Variants in SLC10A1 observed in about 807,000 individuals in gnomAD.
The protein encoded by SLC10A1 is hepatic sodium/bile acid cotransporter.
In SLC10A1, 36 loss-of-function variants were observed where a neutral mutation model predicts 20.5. That is an observed-to-expected ratio of 1.75 (90% CI 1.34 to 2.32). SLC10A1 has a LOEUF of 2.32. Ranked by LOEUF, SLC10A1 falls within the 30% of genes most tolerant of loss-of-function variation. The pLI, the probability that SLC10A1 is intolerant of heterozygous loss-of-function variation, is 0.00. For synonymous variants in SLC10A1, 188 were observed against 163.6 expected, an observed-to-expected ratio of 1.15 and a Z score of -1.14; for missense variants, 545 against 439.1, an observed-to-expected ratio of 1.24 and a Z score of -2.16.
intron 4 of SLC10A1, 122 bp downstream of exon 4, chr14:69,778,211 T>G: frequency 1.3e-6 from 1 of 744,466 alleles, no homozygotes; most frequent in South Asian, 2.4e-5. Flanking sequence ...GCTACCTGGT[T>G]CTTAGTGACT....
rs1392548315 is a variant in SLC10A1, at chr14:69,779,314, A to G, written c.614T>C (p.Leu205Pro). The G allele has an allele frequency of 1.2e-6, 2 of 1,614,102 alleles. No individual in the cohort carries two copies. Among genetic ancestry groups the G allele is most frequent in the African/African-American group, 2.7e-5 (2 of 75,016 alleles). The change falls in exon 3 of 5, where the codon CTC becomes CCC. Residue 205 changes from leucine to proline, a missense_variant. Transcript: ENST00000216540. ...ILLCSVAVTV[L>P]SAINVGKSIM... ...GCTCTTCCCCACATTGATGGCAGAGAGAACTGTGACGGCCACACTGCACAA... is the reference window on the plus strand; with the variant it reads ...GCTCTTCCCCACATTGATGGCAGAGGGAACTGTGACGGCCACACTGCACAA...
intron 1 of SLC10A1, among the ~76,000 whole-genome samples, chr14:69,794,029 GAC>G (rs1193607382): frequency 1.3e-5 from 2 of 152,126 alleles, no homozygotes; most frequent in African/African-American, 2.4e-5. Context: ...AGTGGAGGGA[GAC>G]ACAGTTTCCC....
intron 2 of SLC10A1, among the ~76,000 whole-genome samples, chr14:69,784,268 AAGGCTTTTGAGGAGGC>A: frequency 6.6e-6 from 1 of 152,302 alleles, no homozygotes; most frequent in South Asian, 2.1e-4. Flanking sequence ...GCTGACAGAG[AAGGCTTTTGAGGAGGC>A]AGTGGTCAAT....
chr14:69,786,136 G>C lies in SLC10A1; in HGVS notation c.528C>G (p.Leu176=), dbSNP rs200945231. The C allele has an allele frequency of 7.6e-5, 122 of 1,614,064 alleles. No homozygotes were observed. Among genetic ancestry groups the C allele is most frequent in the East Asian group, 3.6e-4 (16 of 44,872 alleles). Residue 176 remains leucine (L), a synonymous_variant, in exon 2 of 5, where the codon CTC becomes CTG. Transcript: ENST00000216540. ...GCATGTATTGTGGCCGTTTGGATTT[G>C]AGGACGATCCCTATGGTGCAAGGAA... ...VLIPCTIGIV[L]KSKRPQYMRY...
intron 1 of SLC10A1, among the ~76,000 whole-genome samples, chr14:69,788,558 T>C (rs1883775135): frequency 6.6e-6 from 1 of 150,644 alleles, no homozygotes; most frequent in African/African-American, 2.5e-5. Context: ...TTTTTTTTTT[T>C]TTTTGAGATG....
At chr14:69,780,269 A>C (rs10146088) in intron 2 of SLC10A1, among the ~76,000 whole-genome samples, 5,136 of 152,216 alleles carry the variant, frequency 0.034, 314 homozygotes, top group African/African-American at 0.12. Context: ...GTGCATGTGC[A>C]CTCCATGCAC....
intron 1 of SLC10A1, among the ~76,000 whole-genome samples, chr14:69,789,996 C>T (rs1247553299): frequency 6.9e-6 from 1 of 145,186 alleles, no homozygotes; most frequent in African/African-American, 2.6e-5. Flanking sequence ...AGAGATGGCA[C>T]AAATTGATGA....
chr14:69,795,925 G>T (rs1882379130), intron 1 of SLC10A1, among the ~76,000 whole-genome samples: 1 of 152,174 alleles, frequency 6.6e-6, no homozygotes, highest in Admixed American at 6.5e-5. Context: ...GCTTGAGACT[G>T]AGGTTTCACT....
At chr14:69,784,667 T>C (rs1009460401) in intron 2 of SLC10A1, among the ~76,000 whole-genome samples, 30 of 152,166 alleles carry the variant, frequency 2.0e-4, no homozygotes, top group South Asian at 6.2e-4. Context: ...ATAGAAGATA[T>C]GTGAGTTCGT....
At position 69,789,411 on chromosome 14, in the gene SLC10A1, T is replaced by C. The variant is rs1450582085; in HGVS notation, c.357-3104A>G. 2.6e-5 allele frequency among the ~76,000 whole-genome samples: 4 copies of C among 152,250 alleles called. 1 individual carries two copies. The highest frequency in any genetic ancestry group is 2.6e-4 in the Admixed American group (4 of 15,290). On this transcript the variant is annotated intron_variant, in intron 1 of 4. Coordinates refer to ENST00000216540, the MANE Select transcript of SLC10A1 (RefSeq NM_003049.4). ...TGAAGTATTGTGACATGCTATCACA[T>C]GAATGAACCTTGAAAATATGCTAAG...
At chr14:69,781,979 A>G (rs1384243538) in intron 2 of SLC10A1, among the ~76,000 whole-genome samples, 1 of 152,226 alleles carries the variant, frequency 6.6e-6, no homozygotes, top group African/African-American at 2.4e-5. Context: ...GTAAGAGGCT[A>G]GGACAATCAT....
intron 2 of SLC10A1, among the ~76,000 whole-genome samples, chr14:69,780,217 A>T (rs772712603): frequency 1.3e-5 from 2 of 152,238 alleles, no homozygotes; most frequent in Non-Finnish European, 2.9e-5. Context: ...GAATGAAATT[A>T]TAGGGTTTTT....
chr14:69,794,942 A>G (rs929170631), intron 1 of SLC10A1, among the ~76,000 whole-genome samples: 1 of 152,194 alleles, frequency 6.6e-6, no homozygotes, highest in Admixed American at 6.5e-5. Context: ...GCCACTGGCG[A>G]TGGGGCTGGG....
chr14:69,794,316 T>C (rs1882343000), intron 1 of SLC10A1, among the ~76,000 whole-genome samples: 1 of 152,240 alleles, frequency 6.6e-6, no homozygotes, highest in Non-Finnish European at 1.5e-5. Flanking sequence ...TACTTGCTGC[T>C]GAGACACGGG....
chr14:69,790,866 T>C (rs1000338937), intron 1 of SLC10A1, among the ~76,000 whole-genome samples: 7 of 152,050 alleles, frequency 4.6e-5, no homozygotes, highest in African/African-American at 1.7e-4. Flanking sequence ...AATGATAGGA[T>C]TGTCCACAGA....
Position 69,776,390 on chromosome 14 carries a change from T to C in SLC10A1, c.944-2A>G. On this transcript the variant is annotated splice_acceptor_variant, in intron 4 of 4. Transcript: ENST00000216540. LOFTEE classifies it high-confidence loss of function. ...CTGTGTAGATCATTTTTGTTTTATC[T>C]GTAAAGTTAAAAAGGGTTACAGGTG... 1 of 1,607,792 alleles carries C rather than the reference T, an allele frequency of 6.2e-7. No individual in the cohort carries two copies. The highest frequency in any genetic ancestry group is 8.5e-7 in the Non-Finnish European group (1 of 1,176,440).
intron 1 of SLC10A1, among the ~76,000 whole-genome samples, chr14:69,789,295 G>A (rs1347135870): frequency 6.6e-6 from 1 of 152,176 alleles, no homozygotes; most frequent in Non-Finnish European, 1.5e-5. Flanking sequence ...GGAACAAGTA[G>A]AAACAACCCA....
At chr14:69,784,351 G>T (rs1275666964) in intron 2 of SLC10A1, among the ~76,000 whole-genome samples, 1 of 152,208 alleles carries the variant, frequency 6.6e-6, no homozygotes, top group Non-Finnish European at 1.5e-5. Flanking sequence ...ATTGGATTTG[G>T]CAAAGAAAGT....
At chr14:69,778,700 C>T (rs527571638) in intron 3 of SLC10A1, among the ~76,000 whole-genome samples, 171 bp from the exon 4 acceptor site, 13 of 152,072 alleles carry the variant, frequency 8.5e-5, no homozygotes, top group Non-Finnish European at 1.9e-4. Context: ...ATTTTTAACC[C>T]GTTCAATACC....
Sources: allele counts gnomAD v4.1 joint callset (sites outside exome capture counted in the v4.1 genomes callset), GRCh38; gene constraint gnomAD v4.1.1; transcripts MANE v1.5; gene names NCBI Gene and HGNC (gene_info 2026-07-23, HGNC 2026-07-21).